Variants in CDC42BPA observed in about 807,000 individuals in gnomAD.
CDC42BPA encodes serine/threonine-protein kinase MRCK alpha.
A neutral mutation model predicts 223.5 loss-of-function variants in CDC42BPA; 80 were observed. The observed-to-expected ratio is 0.36, with a 90% CI of 0.30 to 0.43. CDC42BPA has a LOEUF of 0.43. CDC42BPA is among the 20% of genes least tolerant of loss of function. The pLI is 1.00. For missense variants in CDC42BPA, 1,743 were observed against 2,099.9 expected, an observed-to-expected ratio of 0.83 and a Z score of 3.32; for synonymous variants, 694 against 718.6, an observed-to-expected ratio of 0.97 and a Z score of 0.55.
intron 21 of CDC42BPA, among the ~76,000 whole-genome samples, chr1:227,062,193 T>C (rs1262479765): frequency 6.6e-6 from 1 of 152,176 alleles, no homozygotes. Flanking sequence ...CAAGGGACAA[T>C]TCTAACTAAA....
In CDC42BPA at chr1:227,145,587, C is replaced by T. The variant is rs371923776; in HGVS notation, c.1045G>A (p.Asp349Asn). Residue 349 changes from aspartate to asparagine, a missense_variant, in exon 8 of 37, where the codon GAT becomes AAT. Asp to Asn is a conservative substitution (Grantham distance 23). Transcript: ENST00000366766. ...GGTGCTTCACAGTTCCGAATATTAT[C>T]CCAATCAATTCCACTGAAAAATGGG... ...KHPFFSGIDW[D>N]NIRNCEAPYI... 1.2e-6 allele frequency: 2 copies of T among 1,613,604 alleles called. No homozygotes were observed. The highest frequency in any genetic ancestry group is 1.7e-6 in the Non-Finnish European group (2 of 1,179,764).
chr1:227,285,548 C>T (rs907221372), intron 1 of CDC42BPA, among the ~76,000 whole-genome samples: 3 of 152,270 alleles, frequency 2.0e-5, no homozygotes, highest in East Asian at 1.9e-4. Flanking sequence ...CAGGTAATGG[C>T]GTCCCATAAG....
intron 10 of CDC42BPA, among the ~76,000 whole-genome samples, chr1:227,132,907 C>A (rs1269981903): frequency 1.3e-5 from 2 of 151,312 alleles, no homozygotes; most frequent in Non-Finnish European, 3.0e-5. Context: ...ACCGCCCCGA[C>A]TGAGAGGTGA....
chr1:227,225,487 A>T (rs1395208915), intron 2 of CDC42BPA, among the ~76,000 whole-genome samples: 2 of 152,208 alleles, frequency 1.3e-5, no homozygotes, highest in Non-Finnish European at 2.9e-5. Context: ...CTGGCCTCAC[A>T]GAGATTGCAC....
intron 5 of CDC42BPA, among the ~76,000 whole-genome samples, chr1:227,172,490 C>G (rs1666260858): frequency 6.6e-6 from 1 of 151,860 alleles, no homozygotes; most frequent in Admixed American, 6.6e-5. Flanking sequence ...AAATGTAATT[C>G]AAAGAAAGAC....
At chr1:227,117,300 A>G (rs12751015) in intron 12 of CDC42BPA, among the ~76,000 whole-genome samples, 21,324 of 152,120 alleles carry the variant, frequency 0.14, 1,870 homozygotes, top group South Asian at 0.33. Context: ...TTCTCCCTAA[A>G]TTGACCTATA....
chr1:227,205,877 C>G (rs980463161), intron 3 of CDC42BPA, among the ~76,000 whole-genome samples: 18 of 151,992 alleles, frequency 1.2e-4, no homozygotes, highest in African/African-American at 4.4e-4. Flanking sequence ...AGTGAGACCC[C>G]ATCTCTAAAG....
chr1:227,078,724 G>A (rs764267516), intron 17 of CDC42BPA, among the ~76,000 whole-genome samples: 15 of 152,088 alleles, frequency 9.9e-5, no homozygotes, highest in Admixed American at 5.2e-4. Context: ...TGTTTGTTTT[G>A]TATTAAAACT....
chr1:227,293,520 T>TAAA (rs34855867), intron 1 of CDC42BPA, among the ~76,000 whole-genome samples: 3,838 of 143,390 alleles, frequency 0.027, 80 homozygotes, highest in Non-Finnish European at 0.041. Flanking sequence ...GTAAAGTCAT[T>TAAA]AAAAAAAAAA....
At chr1:227,062,585 A>AT (rs1558407946) in intron 21 of CDC42BPA, among the ~76,000 whole-genome samples, 1 of 152,216 alleles carries the variant, frequency 6.6e-6, no homozygotes. Context: ...TTTGCTTAGC[A>AT]TAAGACTTCA....
chr1:227,206,026 C>CTG (rs1672663414), intron 3 of CDC42BPA, among the ~76,000 whole-genome samples: 1 of 152,110 alleles, frequency 6.6e-6, no homozygotes, highest in African/African-American at 2.4e-5. Context: ...CCAGCCTGGA[C>CTG]AACAGAGCAA....
chr1:227,161,790 C>T (rs560043702), intron 5 of CDC42BPA, among the ~76,000 whole-genome samples: 8 of 152,316 alleles, frequency 5.3e-5, no homozygotes, highest in Admixed American at 3.9e-4. Context: ...CCTACAAAGC[C>T]TAACATATTT....
intron 6 of CDC42BPA, among the ~76,000 whole-genome samples, chr1:227,154,814 G>GACCT (rs1221515155): frequency 6.6e-6 from 1 of 151,982 alleles, no homozygotes; most frequent in African/African-American, 2.4e-5. Context: ...TTTCAAAGCA[G>GACCT]GTCTTAAATA....
chr1:226,999,702 A>G (rs1242811170), intron 35 of CDC42BPA, among the ~76,000 whole-genome samples: 1 of 152,166 alleles, frequency 6.6e-6, no homozygotes, highest in Non-Finnish European at 1.5e-5. Flanking sequence ...ACCAACCCAA[A>G]TACCCATCAA....
Position 227,091,916 on chromosome 1 carries a change from T to G in CDC42BPA, c.2325A>C (p.Glu775Asp). 1 of 1,605,276 alleles carries G rather than the reference T, an allele frequency of 6.2e-7. No homozygotes were observed. Among genetic ancestry groups the G allele is most frequent in the South Asian group, 1.1e-5 (1 of 89,348 alleles). Reference sequence around the variant, plus strand: ...CAAGTTCACTCGTCAGCTTTTTATTTTCTTCAGTTAACAACACTTTTTCTC... The same window carrying G: ...CAAGTTCACTCGTCAGCTTTTTATTGTCTTCAGTTAACAACACTTTTTCTC... ...YEREKVLLTE[E>D]NKKLTSELDK... Residue 775 changes from glutamate to aspartate, a missense_variant, in exon 16 of 37, where the codon GAA becomes GAC. By Grantham distance (45) the Glu-to-Asp change is conservative. This residue lies in a region of CDC42BPA where 464 missense variants were observed against 488.0 expected (regional missense o/e 0.95). Transcript: ENST00000366766.
At chr1:227,310,802 T>G (rs1422779254) in intron 1 of CDC42BPA, among the ~76,000 whole-genome samples, 1 of 150,942 alleles carries the variant, frequency 6.6e-6, no homozygotes, top group East Asian at 2.0e-4. Flanking sequence ...TTCTCCCACC[T>G]CAGCCTCCTG....
intron 1 of CDC42BPA, among the ~76,000 whole-genome samples, chr1:227,298,983 T>TTTCACAA (rs1691182833): frequency 6.6e-6 from 1 of 152,174 alleles, no homozygotes; most frequent in Non-Finnish European, 1.5e-5. Context: ...AATGGACAGC[T>TTTCACAA]GTAGAGTAGC....
chr1:227,269,860 C>T (rs544049664), intron 1 of CDC42BPA, among the ~76,000 whole-genome samples: 1 of 152,038 alleles, frequency 6.6e-6, no homozygotes, highest in Non-Finnish European at 1.5e-5. Context: ...ACTCTCATAT[C>T]CCAATGTTAG....
intron 16 of CDC42BPA, among the ~76,000 whole-genome samples, chr1:227,089,647 TTTTTA>T (rs1282627583): frequency 7.1e-6 from 1 of 141,688 alleles, no homozygotes; most frequent in African/African-American, 2.6e-5. Context: ...TTTTTTTTTT[TTTTTA>T]AAAACAAACT....
Sources: allele counts gnomAD v4.1 joint callset (sites outside exome capture counted in the v4.1 genomes callset), GRCh38; gene constraint gnomAD v4.1.1; regional missense constraint gnomAD v4.1.1; transcripts MANE v1.5; gene names NCBI Gene and HGNC (gene_info 2026-07-23, HGNC 2026-07-21).